The following TENM2 variants were observed in gnomAD, a reference collection of about 807,000 sequenced individuals.
The protein encoded by TENM2 is teneurin-2.
TENM2 carries 52 observed loss-of-function variants against 245.2 expected under a neutral mutation model. The ratio of observed to expected loss-of-function variants is 0.21; its 90% CI spans 0.17 to 0.27. TENM2 has a LOEUF of 0.27. TENM2 is among the 10% of genes least tolerant of loss of function. The probability of loss-of-function intolerance (pLI) is 1.00; values close to 1 mark genes in which losing one functional copy is unlikely to be tolerated. For missense variants in TENM2, 3,046 were observed against 3,666.8 expected, an observed-to-expected ratio of 0.83 and a Z score of 4.37; for synonymous variants, 1,363 against 1,438.9, an observed-to-expected ratio of 0.95 and a Z score of 1.19.
upstream of TENM2, among the ~76,000 whole-genome samples, chr5:167,282,727 A>G (rs774669137): frequency 6.6e-5 from 10 of 152,300 alleles, no homozygotes; most frequent in East Asian, 1.9e-4. Flanking sequence ...TAAGACTTCA[A>G]TGGCCATGCT....
chr5:167,375,542 G>GT (rs2127312580), intron 2 of TENM2, 69 bp downstream of exon 4: 2 of 1,458,394 alleles, frequency 1.4e-6, no homozygotes, highest in Non-Finnish European at 1.9e-6. Context: ...GAATGTTTTT[G>GT]TTTTTTAATG....
chr5:167,543,231 G>A (rs1582340801), intron 2 of TENM2, among the ~76,000 whole-genome samples: 2 of 152,206 alleles, frequency 1.3e-5, no homozygotes, highest in South Asian at 4.2e-4. Context: ...TCAAACGGTG[G>A]TACCACATTC....
At chr5:168,122,926 TCCCTC>T (rs567512408) in intron 10 of TENM2, among the ~76,000 whole-genome samples, 36 of 152,296 alleles carry the variant, frequency 2.4e-4, no homozygotes, top group African/African-American at 8.4e-4. Flanking sequence ...AAGTCTGTTG[TCCCTC>T]AGGACTAGTT....
At chr5:167,696,405 A>G (rs1757769959) in intron 2 of TENM2, among the ~76,000 whole-genome samples, 1 of 152,222 alleles carries the variant, frequency 6.6e-6, no homozygotes, top group African/African-American at 2.4e-5. Flanking sequence ...GAGTCCTGAA[A>G]TGCATAGAAC....
intron 2 of TENM2, among the ~76,000 whole-genome samples, chr5:167,720,701 C>T (rs1759567978): frequency 6.6e-6 from 1 of 152,082 alleles, no homozygotes; most frequent in Admixed American, 6.5e-5. Context: ...CAATAGGGAG[C>T]AAGAATAATA....
At chr5:167,575,201 G>T (rs1774559398) in intron 2 of TENM2, among the ~76,000 whole-genome samples, 2 of 151,102 alleles carry the variant, frequency 1.3e-5, no homozygotes, top group Non-Finnish European at 2.9e-5. Flanking sequence ...TTATATCTAA[G>T]ATTTTACCTA....
the TENM2 span, among the ~76,000 whole-genome samples, chr5:167,127,076 A>C: frequency 2.6e-5 from 4 of 151,872 alleles, no homozygotes; most frequent in African/African-American, 4.8e-5. Context: ...CTTCTCACAC[A>C]GGGTCACATG....
chr5:167,281,997 T>C (rs546130899), upstream of TENM2, among the ~76,000 whole-genome samples: 5,275 of 27,230 alleles, frequency 0.19, 185 homozygotes, highest in South Asian at 0.23. Flanking sequence ...CAAAACTCCA[T>C]CTCAAAAAAA....
chr5:166,989,638 C>T, the TENM2 span, among the ~76,000 whole-genome samples: 2 of 151,122 alleles, frequency 1.3e-5, no homozygotes, highest in African/African-American at 4.9e-5. Flanking sequence ...GTGATTCTTC[C>T]GCCTCAGCCT....
the TENM2 span, among the ~76,000 whole-genome samples, chr5:167,148,232 G>A: frequency 6.6e-6 from 1 of 152,172 alleles, no homozygotes; most frequent in East Asian, 1.9e-4. Context: ...TGTTCTCCTT[G>A]TGTATGAAAG....
At chr5:167,401,232 C>T (rs1030427949) in intron 2 of TENM2, among the ~76,000 whole-genome samples, 4 of 152,056 alleles carry the variant, frequency 2.6e-5, no homozygotes, top group African/African-American at 4.8e-5. Context: ...GACAATCGAA[C>T]GGTGTCTGTC....
the TENM2 span, among the ~76,000 whole-genome samples, chr5:167,186,071 T>C: frequency 2.6e-5 from 4 of 152,272 alleles, no homozygotes; most frequent in Non-Finnish European, 4.4e-5. Context: ...GATAAAAACA[T>C]TTAACAGAGT....
At chr5:168,262,628 G>T in exon 29 of TENM2, 1 of 1,596,108 alleles carries the variant, frequency 6.3e-7, no homozygotes, top group Non-Finnish European at 8.5e-7. Flanking sequence ...GCAGCAGAAA[G>T]CCAGGGACGG....
At chr5:167,661,879 C>T (rs2150324239) in intron 2 of TENM2, among the ~76,000 whole-genome samples, 1 of 152,310 alleles carries the variant, frequency 6.6e-6, no homozygotes, top group Admixed American at 6.5e-5. Flanking sequence ...ATAATCCTTA[C>T]AACTAGAAAT....
At chr5:167,007,035 G>C in the TENM2 span, among the ~76,000 whole-genome samples, 4 of 152,132 alleles carry the variant, frequency 2.6e-5, no homozygotes, top group South Asian at 8.3e-4. The surrounding 1 kb of genome is among the most constrained non-coding windows in gnomAD (Gnocchi z 4.2). Flanking sequence ...TTTCAAAAAT[G>C]TAATTTAATG....
At chr5:167,240,351 GTTGT>G in the TENM2 span, among the ~76,000 whole-genome samples, 1 of 150,936 alleles carries the variant, frequency 6.6e-6, no homozygotes, top group Non-Finnish European at 1.5e-5. Flanking sequence ...ACCTGTTGTT[GTTGT>G]TTGAGTCCCC....
chr5:167,539,318 C>G (rs964521647), intron 2 of TENM2, among the ~76,000 whole-genome samples: 4 of 152,120 alleles, frequency 2.6e-5, no homozygotes, highest in Non-Finnish European at 4.4e-5. Context: ...ACTGAAATCT[C>G]CCATTCTCTA....
In TENM2 at chr5:167,818,973, A is replaced by G. The variant is rs1226069584; in HGVS notation, c.503-57013A>G. The stretch of plus-strand genomic sequence containing the variant: ...GGAACCAACACACTCACGTGACATC[A>G]TCCCACAGGGCAATCTGTATCCTTT... On this transcript the variant is annotated intron_variant, in intron 2 of 28. Transcript: ENST00000518659. 2.0e-5 allele frequency among the ~76,000 whole-genome samples: 3 copies of G among 151,974 alleles called. No homozygotes were observed. In the East Asian group the frequency reaches 5.8e-4, roughly 30 times the overall value.
At chr5:167,394,358 A>T (rs1761932844) in intron 2 of TENM2, among the ~76,000 whole-genome samples, 1 of 152,172 alleles carries the variant, frequency 6.6e-6, no homozygotes, top group Admixed American at 6.6e-5. Flanking sequence ...TTCTTCTGAC[A>T]TCATTTTTTG....
Sources: allele counts gnomAD v4.1 joint callset (sites outside exome capture counted in the v4.1 genomes callset), GRCh38; gene constraint gnomAD v4.1.1; non-coding constraint Gnocchi (gnomAD v3.1); transcripts MANE v1.5; gene names NCBI Gene and HGNC (gene_info 2026-07-23, HGNC 2026-07-21).